LARGE1: variants seen among roughly 807,000 people sequenced by gnomAD.
The protein encoded by LARGE1 is xylosyl- and glucuronyltransferase LARGE1.
LARGE1 carries 43 observed loss-of-function variants against 87.6 expected under a neutral mutation model. The observed-to-expected ratio is 0.49, with a 90% CI of 0.38 to 0.63. The LOEUF (loss-of-function observed/expected upper bound fraction) is 0.63, where lower values mean the gene tolerates loss of function less well. Ranked by LOEUF, LARGE1 falls within the 30% of genes least tolerant of loss-of-function variation. The pLI is 0.00. For synonymous variants in LARGE1, 434 were observed against 394.6 expected, an observed-to-expected ratio of 1.10 and a Z score of -1.18; for missense variants, 802 against 1,000.2, an observed-to-expected ratio of 0.80 and a Z score of 2.67.
intron 2 of LARGE1, among the ~76,000 whole-genome samples, chr22:33,691,609 G>T (rs1378357503): frequency 1.3e-5 from 2 of 152,166 alleles, no homozygotes; most frequent in Non-Finnish European, 2.9e-5. Flanking sequence ...CTCTACGCAG[G>T]TTCAGACATA....
intron 11 of LARGE1, among the ~76,000 whole-genome samples, chr22:33,199,475 A>AT (rs1924258768): frequency 6.6e-6 from 1 of 152,092 alleles, no homozygotes; most frequent in African/African-American, 2.4e-5. Context: ...TTCTTCTAGA[A>AT]TTTTTATAGT....
intron 1 of LARGE1, among the ~76,000 whole-genome samples, chr22:33,844,792 C>T (rs2063382860): frequency 1.3e-5 from 2 of 151,404 alleles, no homozygotes; most frequent in Admixed American, 6.6e-5. Context: ...ACAATCTCGG[C>T]TCACTGCAAC....
intron 14 of LARGE1, among the ~76,000 whole-genome samples, chr22:33,275,268 G>T (rs920235245): frequency 6.6e-6 from 1 of 152,124 alleles, no homozygotes; most frequent in African/African-American, 2.4e-5. Flanking sequence ...AAAAATAAAA[G>T]GCCTCTGAAT....
chr22:33,537,168 A>G (rs1280831312), intron 6 of LARGE1, among the ~76,000 whole-genome samples: 6 of 152,252 alleles, frequency 3.9e-5, no homozygotes, highest in African/African-American at 1.2e-4. Context: ...ACATTTCACT[A>G]CAAATGACGT....
chr22:33,471,918 C>A (rs868079687), intron 6 of LARGE1, among the ~76,000 whole-genome samples: 3 of 151,994 alleles, frequency 2.0e-5, no homozygotes, highest in Non-Finnish European at 4.4e-5. Flanking sequence ...GGCGTGGTGG[C>A]GGGTGCCTGT....
At chr22:33,294,307 T>C (rs1202673451) in intron 12 of LARGE1, among the ~76,000 whole-genome samples, 1 of 152,222 alleles carries the variant, frequency 6.6e-6, no homozygotes, top group Non-Finnish European at 1.5e-5. Context: ...AGAACCAGAC[T>C]TGTCAGCTCT....
At chr22:33,501,177 G>A (rs1445109270) in intron 6 of LARGE1, among the ~76,000 whole-genome samples, 2 of 152,180 alleles carry the variant, frequency 1.3e-5, no homozygotes, top group Admixed American at 1.3e-4. Context: ...GAAGGAGAGT[G>A]GATTAGAGCC....
chr22:33,813,880 T>C (rs1391232751), intron 1 of LARGE1, among the ~76,000 whole-genome samples: 18 of 152,210 alleles, frequency 1.2e-4, no homozygotes. Context: ...CAATGAACAC[T>C]GAACAAACAT....
At chr22:33,252,259 C>G (rs894871128) in intron 11 of LARGE1, among the ~76,000 whole-genome samples, 1 of 142,228 alleles carries the variant, frequency 7.0e-6, no homozygotes, top group African/African-American at 2.6e-5. Flanking sequence ...ATTCCCCCCC[C>G]CCCCGCCATT....
At chr22:33,400,368 A>G (rs748525190) in intron 7 of LARGE1, among the ~76,000 whole-genome samples, 14 of 152,200 alleles carry the variant, frequency 9.2e-5, no homozygotes, top group Non-Finnish European at 1.9e-4. Context: ...ATGCAGTAGC[A>G]TAGAACAGCA....
chr22:33,522,620 C>T (rs1384916669), intron 6 of LARGE1, among the ~76,000 whole-genome samples: 2 of 152,040 alleles, frequency 1.3e-5, no homozygotes, highest in African/African-American at 4.8e-5. Context: ...ATCATGAGGT[C>T]AGGAGCTCAA....
At chr22:33,567,594 C>T (rs2148800578) in intron 5 of LARGE1, among the ~76,000 whole-genome samples, 1 of 152,164 alleles carries the variant, frequency 6.6e-6, no homozygotes. Context: ...TTATAAAGGT[C>T]ATGATTTCTT....
intron 7 of LARGE1, among the ~76,000 whole-genome samples, chr22:33,425,837 A>T (rs1400567583): frequency 1.3e-5 from 2 of 152,172 alleles, no homozygotes; most frequent in African/African-American, 2.4e-5. Context: ...TCTAGGTTCA[A>T]GCGATTCTCT....
At chr22:33,768,388 A>AT (rs1436755557) in intron 1 of LARGE1, among the ~76,000 whole-genome samples, 6 of 151,376 alleles carry the variant, frequency 4.0e-5, no homozygotes, top group Non-Finnish European at 7.4e-5. Flanking sequence ...TGTCATTATT[A>AT]TTTTCCTACT....
intron 3 of LARGE1, among the ~76,000 whole-genome samples, chr22:33,632,167 G>A (rs1351470106): frequency 6.6e-6 from 1 of 152,158 alleles, no homozygotes; most frequent in Non-Finnish European, 1.5e-5. Flanking sequence ...CTATCGCCCA[G>A]GCTGGAATGC....
At chr22:33,670,453 G>A (rs1476454357) in intron 2 of LARGE1, among the ~76,000 whole-genome samples, 1 of 151,588 alleles carries the variant, frequency 6.6e-6, no homozygotes, top group Non-Finnish European at 1.5e-5. Flanking sequence ...AGAGGAAACG[G>A]CATATACAAC....
At chr22:33,347,549 C>T (rs761514765) in intron 9 of LARGE1, among the ~76,000 whole-genome samples, 1 of 152,134 alleles carries the variant, frequency 6.6e-6, no homozygotes, top group Non-Finnish European at 1.5e-5. Flanking sequence ...GTCATTTTTT[C>T]TTGAAGGAGT....
At chr22:33,763,354 T>C (rs1186414839) in intron 1 of LARGE1, among the ~76,000 whole-genome samples, 1 of 152,168 alleles carries the variant, frequency 6.6e-6, no homozygotes, top group Non-Finnish European at 1.5e-5. Flanking sequence ...TGGAATTCTT[T>C]TGGAACAGAT....
At chr22:33,549,830 A>G (rs1276925704) in intron 6 of LARGE1, among the ~76,000 whole-genome samples, 1 of 152,212 alleles carries the variant, frequency 6.6e-6, no homozygotes, top group Non-Finnish European at 1.5e-5. Context: ...GAGTGAGAAC[A>G]TGCAGTATTT....
Sources: gnomAD v4.1 joint callset for allele counts (sites outside exome capture counted in the v4.1 genomes callset) on GRCh38, gnomAD v4.1.1 for gene constraint, MANE v1.5 for transcripts, NCBI Gene and HGNC (gene_info 2026-07-23, HGNC 2026-07-21) for gene names.